Variants in CLCN6 observed in about 807,000 individuals in gnomAD.
The protein encoded by CLCN6 is Cl-/H+ antiporter 6, also known as H(+)/Cl(-) exchange transporter 6.
CLCN6 carries 70 observed loss-of-function variants against 109.8 expected under a neutral mutation model. That is an observed-to-expected ratio of 0.64 (90% CI 0.53 to 0.78). The LOEUF (loss-of-function observed/expected upper bound fraction) is 0.78. Among genes scored for constraint, CLCN6 ranks in the 30% least tolerant of loss-of-function variants. The pLI is 0.00. For synonymous variants in CLCN6, 444 were observed against 447.8 expected (o/e 0.99, Z 0.11); for missense variants, 984 against 1,142.3 (o/e 0.86, Z 2.00).
chr1:11,841,007 G>C lies in CLCN6; in HGVS notation c.*784G>C, dbSNP rs528385443. 4 of 152,410 alleles carry C rather than the reference G, an allele frequency of 2.6e-5. No individual in the cohort carries two copies. The highest frequency in any genetic ancestry group is 3.4e-3 in the Middle Eastern group (1 of 294). 9.4% of individuals were successfully genotyped at this position (152,410 alleles called of 1,614,324 possible). On this transcript the variant is annotated 3_prime_UTR_variant, in exon 23 of 23. Transcript: ENST00000346436. ...TCTCCCAGTAACACGTTTCTACCCA[G>C]ATCCTTTTTCATTTCCTTAAGTTTT...
chr1:11,831,184 TCTCA>T (rs1644879963), intron 13 of CLCN6, among the ~76,000 whole-genome samples: 3 of 151,218 alleles, frequency 2.0e-5, no homozygotes, highest in African/African-American at 7.3e-5. Context: ...TTTGGCAAAG[TCTCA>T]CTCTGTTGCC....
In CLCN6 at chr1:11,834,336, A is replaced by G. The variant is rs746492195; in HGVS notation, c.1627A>G (p.Ile543Val). The change falls in exon 16 of 23, where the codon ATC becomes GTC. Residue 543 changes from isoleucine (I) to valine (V), a missense_variant. Coordinates refer to ENST00000346436, the MANE Select transcript of CLCN6 (RefSeq NM_001286.5). The surrounding 1 kb of genome is among the most constrained non-coding windows in gnomAD (Gnocchi z 4.5). ...CCGCATGACCATCAGCCTCACGGTC[A>G]TCCTGATCGAGTCCACCAATGAGAT... ...VVRMTISLTV[I>V]LIESTNEITY... 1 of 1,614,004 alleles carries G rather than the reference A, an allele frequency of 6.2e-7. No homozygotes were observed. The highest frequency in any genetic ancestry group is 8.5e-7 in the Non-Finnish European group (1 of 1,180,014).
intron 10 of CLCN6, among the ~76,000 whole-genome samples, chr1:11,827,537 G>A (rs1644829606): frequency 6.8e-6 from 1 of 147,232 alleles, no homozygotes; most frequent in Non-Finnish European, 1.5e-5. Flanking sequence ...CTGGATTCAA[G>A]CGATTCTCCT....
intron 12 of CLCN6, among the ~76,000 whole-genome samples, chr1:11,828,974 T>G (rs115087799): frequency 6.6e-6 from 1 of 152,196 alleles, no homozygotes; most frequent in East Asian, 1.9e-4. Context: ...TGGAGAGAGA[T>G]GATGTGGACG....
chr1:11,810,515 T>A (rs533746074), intron 2 of CLCN6, among the ~76,000 whole-genome samples: 1 of 152,330 alleles, frequency 6.6e-6, no homozygotes, highest in South Asian at 2.1e-4. Context: ...CCTGGTTGAA[T>A]TGGGGCTGGT....
intron 12 of CLCN6, 90 bp from the exon 13 acceptor site, chr1:11,829,106 C>CG: frequency 2.7e-6 from 4 of 1,484,962 alleles, no homozygotes; most frequent in Non-Finnish European, 3.7e-6. Flanking sequence ...TTGGAGAAAT[C>CG]GGGGCTGGGG....
intron 12 of CLCN6, among the ~76,000 whole-genome samples, chr1:11,828,943 A>G (rs1358054172): frequency 1.3e-5 from 2 of 152,164 alleles, no homozygotes; most frequent in Non-Finnish European, 2.9e-5. Context: ...GACTTATTAT[A>G]ATGGAAAGCC....
In CLCN6 at chr1:11,842,024, T is replaced by C. The variant is rs1570547924; in HGVS notation, c.*1801T>C. On this transcript the variant is annotated 3_prime_UTR_variant, in exon 23 of 23. Transcript: ENST00000346436. ...CAGCTGCTGCTGTGTTTTATGGCAG[T>C]GTTCAGAGCTTGATCACGTTATTTC... 6.6e-6 allele frequency: 1 copy of C among 152,248 alleles called. No individual in the cohort carries two copies. The highest frequency in any genetic ancestry group is 2.1e-4 in the South Asian group (1 of 4,836). The allele number at this position is 152,248 out of a possible 1,614,324, so 9.4% of individuals were successfully genotyped here. A position where few individuals can be genotyped will look rare whatever the true frequency, so the allele number is the denominator to read the frequency against.
At position 11,822,708 on chromosome 1, in the gene CLCN6, C is replaced by T. The variant is rs1644761402; in HGVS notation, c.360C>T (p.Cys120=). 2 of 1,612,516 alleles carry T rather than the reference C, an allele frequency of 1.2e-6. No individual in the cohort carries two copies. Among genetic ancestry groups the T allele is most frequent in the Non-Finnish European group, 1.7e-6 (2 of 1,178,636 alleles). Reference sequence around the variant, plus strand: ...CAGTTTCCGCAGCGGTGGAGGAGTGCAGCCAGAAAGGCTGCCTCGCTCTGT... The same window carrying T: ...CAGTTTCCGCAGCGGTGGAGGAGTGTAGCCAGAAAGGCTGCCTCGCTCTGT... ...FGVVQTSVEE[C]SQKGCLALSL... Residue 120 remains cysteine, a synonymous_variant, in exon 6 of 23, where the codon TGC becomes TGT. Transcript: ENST00000346436.
chr1:11,820,693 G>C (rs2100624532), intron 5 of CLCN6: 1 of 245,276 alleles, frequency 4.1e-6, no homozygotes, highest in South Asian at 6.6e-5. Flanking sequence ...CATGAACCTG[G>C]GAGGCGGAGC....
At chr1:11,821,082 AACAAC>A (rs1644735992) in intron 5 of CLCN6, among the ~76,000 whole-genome samples, 4 of 113,288 alleles carry the variant, frequency 3.5e-5, no homozygotes, top group African/African-American at 8.0e-5. Flanking sequence ...CTCAAAAAAC[AACAAC>A]AAAAAAAAAA....
intron 9 of CLCN6, among the ~76,000 whole-genome samples, chr1:11,826,812 G>A (rs1644817379): frequency 6.6e-6 from 1 of 152,168 alleles, no homozygotes; most frequent in African/African-American, 2.4e-5. Flanking sequence ...CCCTGAGCTG[G>A]GGGCTGAGAT....
rs750697542 is a variant in CLCN6 at position 11,824,528 on chromosome 1, C to T, written c.623C>T (p.Ser208Leu). 12 of 1,613,420 alleles carry T rather than the reference C, an allele frequency of 7.4e-6. No individual in the cohort carries two copies. The highest frequency in any genetic ancestry group is 5.0e-5 in the Admixed American group (3 of 59,960). The change falls in exon 8 of 23, where the codon TCG becomes TTG. Residue 208 changes from serine (S) to leucine (L), a missense_variant. By Grantham distance (145) the Ser-to-Leu change is moderately radical. Coordinates refer to ENST00000346436, the MANE Select transcript of CLCN6 (RefSeq NM_001286.5). ...GAAGGCCCCATGATCCACAGTGGTT[C>T]GGTGGTGGGAGCTGGCCTCCCTCAG... ...EKEGPMIHSG[S>L]VVGAGLPQFQ...
intron 1 of CLCN6, 31 bp downstream of exon 1, chr1:11,806,380 G>A (rs1215999517): frequency 2.0e-6 from 3 of 1,484,540 alleles, no homozygotes; most frequent in Non-Finnish European, 2.7e-6. Flanking sequence ...GCCTGGGGAG[G>A]GGGCGGTTGC....
intron 20 of CLCN6, among the ~76,000 whole-genome samples, chr1:11,838,132 C>T (rs973185649): frequency 5.3e-5 from 8 of 152,230 alleles, no homozygotes; most frequent in Non-Finnish European, 8.8e-5. Flanking sequence ...GATCAGGGGA[C>T]TTGCCCAGGG....
chr1:11,825,710 C>T (rs1338185933), intron 8 of CLCN6, among the ~76,000 whole-genome samples: 1 of 152,200 alleles, frequency 6.6e-6, no homozygotes, highest in Non-Finnish European at 1.5e-5. Context: ...ACAGCCTCCG[C>T]CTCCTGGGTT....
At chr1:11,838,173 G>A (rs1644973695) in intron 20 of CLCN6, among the ~76,000 whole-genome samples, 162 bp from the exon 21 acceptor site, 1 of 152,210 alleles carries the variant, frequency 6.6e-6, no homozygotes, top group African/African-American at 2.4e-5. Context: ...CAAGGACTTG[G>A]TTTGACTGGA....
intron 9 of CLCN6, among the ~76,000 whole-genome samples, chr1:11,826,415 C>T (rs770817150): frequency 1.1e-4 from 17 of 152,158 alleles, no homozygotes; most frequent in Non-Finnish European, 1.9e-4. Flanking sequence ...TTTGTCATGC[C>T]GTAAGGCCTA....
intron 3 of CLCN6, 107 bp downstream of exon 3, chr1:11,816,018 C>A: frequency 1.2e-6 from 1 of 825,488 alleles, no homozygotes; most frequent in Non-Finnish European, 2.1e-6. Flanking sequence ...GTTTTTTGAA[C>A]CTTTTCATGC....
Sources: allele counts gnomAD v4.1 joint callset (sites outside exome capture counted in the v4.1 genomes callset), GRCh38; gene constraint gnomAD v4.1.1; non-coding constraint Gnocchi (gnomAD v3.1); transcripts MANE v1.5; gene names NCBI Gene and HGNC (gene_info 2026-07-23, HGNC 2026-07-21).